PHF2: variants seen among roughly 807,000 people sequenced by gnomAD.
PHF2 encodes PHD finger protein 2, also known as lysine-specific demethylase PHF2.
Under a neutral mutation model 120.5 loss-of-function variants are expected in PHF2, and 27 were observed. The observed-to-expected ratio is 0.22, with a 90% CI of 0.17 to 0.31. The LOEUF is 0.31. PHF2 is among the 10% of genes least tolerant of loss of function. The pLI is 1.00. For missense variants in PHF2, 1,024 were observed against 1,434.8 expected, an observed-to-expected ratio of 0.71 and a Z score of 4.63; for synonymous variants, 568 against 592.5, an observed-to-expected ratio of 0.96 and a Z score of 0.60.
chr9:93,604,339 T>C (rs1477450828), intron 1 of PHF2, among the ~76,000 whole-genome samples: 2 of 149,984 alleles, frequency 1.3e-5, no homozygotes, highest in African/African-American at 4.9e-5. Flanking sequence ...GAGACTTCTT[T>C]TTTTTTTTTT....
intron 17 of PHF2, chr9:93,671,153 G>T: frequency 2.0e-6 from 2 of 983,418 alleles, no homozygotes; most frequent in Non-Finnish European, 2.4e-6. Context: ...TGCAGGTGTG[G>T]ATGTAGGTGT....
intron 1 of PHF2, among the ~76,000 whole-genome samples, chr9:93,603,373 A>G (rs1224640484): frequency 1.3e-5 from 2 of 152,096 alleles, no homozygotes; most frequent in African/African-American, 4.8e-5. Context: ...GACAGAGTTT[A>G]GGGCATTGAC....
At position 93,679,330 on chromosome 9, in the gene PHF2, GT is replaced by G. The variant is rs1232345017; in HGVS notation, c.*1659del. On this transcript the variant is annotated 3_prime_UTR_variant, in exon 22 of 22. Transcript: ENST00000359246. ...GGCCCCAGGCTTATTCAGAACTGGT[GT>G]TTTTAAAGTTTCCTTTACCCTGCCC... The G allele has an allele frequency of 2.2e-6, 1 of 451,212 alleles. No homozygotes were observed. The highest frequency in any genetic ancestry group is 4.4e-6 in the Non-Finnish European group (1 of 225,796). 28.0% of individuals were successfully genotyped at this position (451,212 alleles called of 1,614,324 possible).
chr9:93,641,729 T>C (rs116789784), intron 3 of PHF2, among the ~76,000 whole-genome samples: 4,388 of 152,338 alleles, frequency 0.029, 204 homozygotes, highest in African/African-American at 0.098. Flanking sequence ...CCATTCTGTG[T>C]TGTCTTTGTA....
intron 1 of PHF2, among the ~76,000 whole-genome samples, chr9:93,584,541 C>A (rs1268148500): frequency 2.0e-5 from 3 of 152,194 alleles, no homozygotes; most frequent in Non-Finnish European, 4.4e-5. Context: ...GGCCAAAAAT[C>A]TTTTGACCGT....
intron 1 of PHF2, among the ~76,000 whole-genome samples, chr9:93,602,854 G>A (rs1032143357): frequency 2.6e-5 from 4 of 152,296 alleles, no homozygotes; most frequent in Non-Finnish European, 4.4e-5. Flanking sequence ...TCACTTAGGT[G>A]TGGCCTAGCC....
chr9:93,657,161 A>G (rs1165979558), intron 9 of PHF2, among the ~76,000 whole-genome samples: 1 of 151,312 alleles, frequency 6.6e-6, no homozygotes, highest in African/African-American at 2.4e-5. Context: ...AGGCCTCCAG[A>G]CTGCCCAGCA....
intron 7 of PHF2, 78 bp from the exon 8 acceptor site, chr9:93,655,856 C>T (rs541098846): frequency 4.1e-5 from 44 of 1,068,958 alleles, no homozygotes; most frequent in Middle Eastern, 2.9e-4. Flanking sequence ...TGGTCTCCGC[C>T]GCTCCCTGAT....
intron 1 of PHF2, among the ~76,000 whole-genome samples, chr9:93,588,501 C>T (rs2131602435): frequency 6.6e-6 from 1 of 152,290 alleles, no homozygotes; most frequent in African/African-American, 2.4e-5. Flanking sequence ...GGAGCCTGTA[C>T]CTGAGAGGCC....
chr9:93,597,545 T>G (rs1587670209), intron 1 of PHF2, among the ~76,000 whole-genome samples: 1 of 151,118 alleles, frequency 6.6e-6, no homozygotes, highest in Non-Finnish European at 1.5e-5. Context: ...GGGTTGGGGG[T>G]GGCATTGGGG....
At chr9:93,653,059 C>T (rs1826395468) in intron 5 of PHF2, 120 bp from the exon 6 acceptor site, 1 of 826,824 alleles carries the variant, frequency 1.2e-6, no homozygotes, top group Non-Finnish European at 1.9e-6. Flanking sequence ...GGAGCTGTGA[C>T]CCGTGGCCCG....
rs776882888 is a variant in PHF2, at chr9:93,615,193, G to GCGA, written c.99-14777_99-14776insCGA. Among the ~76,000 whole-genome samples the GCGA allele has an allele frequency of 2.1e-3, 254 of 120,222 alleles. 6 individuals carry two copies. In the South Asian group the frequency reaches 0.026, roughly 12 times the overall value. 78.9% of individuals were successfully genotyped at this position (120,222 alleles called of 152,430 possible). A position where few individuals can be genotyped will look rare whatever the true frequency, so the allele number is the denominator to read the frequency against. ...GGTGATAGTAATGGTGATGGCGATG[G>GCGA]TGATGATGATGGTGATGGTGATGGT... On this transcript the variant is annotated intron_variant, in intron 1 of 21. Transcript: ENST00000359246.
At chr9:93,607,940 T>A (rs1191676620) in intron 1 of PHF2, among the ~76,000 whole-genome samples, 38 of 128,396 alleles carry the variant, frequency 3.0e-4, no homozygotes, top group East Asian at 9.1e-4. Context: ...GGGAAAGAGA[T>A]GAGAGAGAGA....
chr9:93,621,836 A>C (rs1400741207), intron 1 of PHF2, among the ~76,000 whole-genome samples: 2 of 152,216 alleles, frequency 1.3e-5, no homozygotes, highest in Middle Eastern at 3.4e-3. Flanking sequence ...GTTGATTTCC[A>C]TCCTTGTTGA....
rs1485234743 is a variant in PHF2, at chr9:93,679,490, T to A, written c.*1814T>A. ...TATCGTGGCTATTAAAGTGTTTTATTTCCCAATTCATATTACTCTTGTATC... is the reference window on the plus strand; with the variant it reads ...TATCGTGGCTATTAAAGTGTTTTATATCCCAATTCATATTACTCTTGTATC... On this transcript the variant is annotated 3_prime_UTR_variant, in exon 22 of 22. Transcript: ENST00000359246. The A allele has an allele frequency of 3.3e-6, 1 of 303,438 alleles. No homozygotes were observed. The highest frequency in any genetic ancestry group is 1.0e-4 in the East Asian group (1 of 9,956). The allele number at this position is 303,438 out of a possible 1,614,324, so 18.8% of individuals were successfully genotyped here.
intron 1 of PHF2, among the ~76,000 whole-genome samples, chr9:93,624,597 TGTG>T (rs1825877636): frequency 1.4e-5 from 2 of 142,002 alleles, no homozygotes; most frequent in African/African-American, 2.7e-5. Flanking sequence ...CAACGGTCGT[TGTG>T]ATGATGATAG....
intron 1 of PHF2, among the ~76,000 whole-genome samples, chr9:93,577,741 A>C (rs1862856176): frequency 6.6e-6 from 1 of 152,118 alleles, no homozygotes; most frequent in African/African-American, 2.4e-5. Flanking sequence ...GAGACACTGA[A>C]AACCCCCGCC....
chr9:93,604,854 C>G (rs1362139549), intron 1 of PHF2, among the ~76,000 whole-genome samples: 1 of 151,970 alleles, frequency 6.6e-6, no homozygotes. Flanking sequence ...TTTAGCATTT[C>G]CTTCATGAGA....
At chr9:93,629,268 T>C (rs1465978622) in intron 1 of PHF2, among the ~76,000 whole-genome samples, 1 of 152,182 alleles carries the variant, frequency 6.6e-6, no homozygotes, top group Admixed American at 6.5e-5. Context: ...TGGGTTAGCT[T>C]CTGTAGAAGT....
Sources: allele counts gnomAD v4.1 joint callset (sites outside exome capture counted in the v4.1 genomes callset), GRCh38; gene constraint gnomAD v4.1.1; transcripts MANE v1.5; gene names NCBI Gene and HGNC (gene_info 2026-07-23, HGNC 2026-07-21).